CNTNAP5: variants seen among roughly 807,000 people sequenced by gnomAD.
CNTNAP5 encodes the protein contactin associated protein family member 5, also known as contactin-associated protein-like 5.
Under a neutral mutation model 150.2 loss-of-function variants are expected in CNTNAP5, and 72 were observed. The ratio of observed to expected loss-of-function variants is 0.48; its 90% confidence interval spans 0.40 to 0.58. The LOEUF is 0.58. CNTNAP5 is among the 20% of genes least tolerant of loss of function. CNTNAP5 has a pLI of 0.00. For synonymous variants in CNTNAP5, 672 were observed against 619.8 expected (o/e 1.08, Z -1.25); for missense variants, 1,636 against 1,626.2 (o/e 1.01, Z -0.10).
chr2:124,526,384 A>G (rs1694968564), intron 9 of CNTNAP5, among the ~76,000 whole-genome samples: 1 of 152,190 alleles, frequency 6.6e-6, no homozygotes, highest in African/African-American at 2.4e-5. Context: ...GCTGTTAACC[A>G]GCTGCTGGGC....
chr2:124,433,710 A>C lies in CNTNAP5; in HGVS notation c.530-774A>C, dbSNP rs557016781. Reference sequence around the variant, plus strand: ...TGTAATTAAAAAAATAGAAAAAAAAACCCGCAAAAATAACCTAGAACAACA... The same window carrying C: ...TGTAATTAAAAAAATAGAAAAAAAACCCCGCAAAAATAACCTAGAACAACA... On this transcript the variant is annotated intron_variant, in intron 4 of 23. Coordinates refer to ENST00000682447, the MANE Select transcript of CNTNAP5 (RefSeq NM_001367498.1). 4.2e-4 allele frequency among the ~76,000 whole-genome samples: 64 copies of C among 152,200 alleles called. No individual in the cohort carries two copies. The South Asian group carries it at 8.7e-3, about 21-fold the overall frequency.
intron 23 of CNTNAP5, among the ~76,000 whole-genome samples, chr2:124,913,570 C>T (rs569398368): frequency 2.6e-5 from 4 of 152,050 alleles, no homozygotes; most frequent in East Asian, 3.9e-4. Flanking sequence ...AAATTTATAG[C>T]GATCATTTCA....
At chr2:124,268,650 C>T (rs1487739582) in intron 3 of CNTNAP5, among the ~76,000 whole-genome samples, 2 of 152,218 alleles carry the variant, frequency 1.3e-5, no homozygotes, top group South Asian at 2.1e-4. Flanking sequence ...CAGAGCAATA[C>T]ATGATACACA....
chr2:124,462,845 A>T (rs1340968653), intron 6 of CNTNAP5, among the ~76,000 whole-genome samples: 2 of 152,328 alleles, frequency 1.3e-5, no homozygotes, highest in African/African-American at 2.4e-5. Flanking sequence ...ACAGATAGAC[A>T]TCCATTCACG....
chr2:124,133,575 C>G (rs1683910743), intron 1 of CNTNAP5, among the ~76,000 whole-genome samples: 1 of 152,192 alleles, frequency 6.6e-6, no homozygotes. Context: ...CATGTCTCCT[C>G]TCCTGTGAAG....
intron 4 of CNTNAP5, among the ~76,000 whole-genome samples, chr2:124,434,211 CT>C (rs1317088119): frequency 2.6e-5 from 4 of 152,164 alleles, no homozygotes; most frequent in Non-Finnish European, 5.9e-5. Context: ...ACCCTGTCCC[CT>C]CCAGCAAAAG....
chr2:124,528,948 C>T (rs562165534), intron 10 of CNTNAP5, among the ~76,000 whole-genome samples: 2 of 152,220 alleles, frequency 1.3e-5, no homozygotes, highest in East Asian at 1.9e-4. Flanking sequence ...TCTCTGCTAA[C>T]GCTAGAATGA....
Position 124,725,595 on chromosome 2 carries a change from TTTTGGCACA to T in CNTNAP5, c.2078-21630_2078-21622del, listed in dbSNP as rs140359649. On this transcript the variant is annotated intron_variant, in intron 13 of 23. Transcript: ENST00000682447. ...TGGTGAGAACACTTAAGATTTACTC[TTTTGGCACA>T]TTTAAAGTATGCAGTACAGTAGTAT... Among the ~76,000 whole-genome samples the T allele has an allele frequency of 2.9e-3, 448 of 152,070 alleles. 3 individuals are homozygous for T. Among genetic ancestry groups the T allele is most frequent in the African/African-American group, 0.01 (423 of 41,488 alleles).
chr2:124,031,794 G>A (rs74626927), intron 1 of CNTNAP5, among the ~76,000 whole-genome samples: 10,519 of 152,190 alleles, frequency 0.069, 495 homozygotes, highest in Non-Finnish European at 0.1. Context: ...GTATAAAAAG[G>A]AGAAGTTTGG....
chr2:124,084,630 CTA>C (rs1682635823), intron 1 of CNTNAP5, among the ~76,000 whole-genome samples: 1 of 151,450 alleles, frequency 6.6e-6, no homozygotes, highest in Non-Finnish European at 1.5e-5. Flanking sequence ...TAGTATGTGT[CTA>C]TATATGTGTG....
At chr2:124,291,172 T>G (rs919423944) in intron 3 of CNTNAP5, among the ~76,000 whole-genome samples, 1 of 152,146 alleles carries the variant, frequency 6.6e-6, no homozygotes, top group Non-Finnish European at 1.5e-5. Context: ...ATAGTCATTG[T>G]TGAAAAATTG....
At chr2:124,043,735 A>G (rs914723018) in intron 1 of CNTNAP5, among the ~76,000 whole-genome samples, 23 of 152,094 alleles carry the variant, frequency 1.5e-4, no homozygotes, top group African/African-American at 5.3e-4. Flanking sequence ...GAAGTTTACA[A>G]CAACATAAAC....
intron 1 of CNTNAP5, among the ~76,000 whole-genome samples, chr2:124,115,164 G>T (rs1683394216): frequency 6.6e-6 from 1 of 151,630 alleles, no homozygotes; most frequent in African/African-American, 2.4e-5. Context: ...ATTTTTTAAG[G>T]ATGACATATA....
intron 19 of CNTNAP5, among the ~76,000 whole-genome samples, chr2:124,808,579 C>A (rs540117787): frequency 1.4e-4 from 21 of 145,298 alleles, no homozygotes; most frequent in Non-Finnish European, 2.5e-4. Flanking sequence ...CAGAGAGAGA[C>A]TTGGTCCAAA....
chr2:124,644,278 A>T (rs1397083503), intron 12 of CNTNAP5, among the ~76,000 whole-genome samples: 2 of 152,210 alleles, frequency 1.3e-5, no homozygotes, highest in Admixed American at 1.3e-4. Context: ...ACCACAGCTG[A>T]CTTTCTTTCA....
chr2:124,056,760 T>C (rs1681857513), intron 1 of CNTNAP5, among the ~76,000 whole-genome samples: 1 of 152,220 alleles, frequency 6.6e-6, no homozygotes, highest in Admixed American at 6.5e-5. Context: ...TGGAGGTCAC[T>C]GGACACATCG....
intron 1 of CNTNAP5, among the ~76,000 whole-genome samples, chr2:124,064,297 A>T (rs1328815302): frequency 6.6e-6 from 1 of 152,120 alleles, no homozygotes; most frequent in African/African-American, 2.4e-5. Context: ...GCACTATCTG[A>T]TGGAGGTCAC....
chr2:124,658,828 A>G (rs1271375796), intron 13 of CNTNAP5, among the ~76,000 whole-genome samples: 2 of 152,200 alleles, frequency 1.3e-5, no homozygotes, highest in Non-Finnish European at 2.9e-5. Flanking sequence ...TACACAGATG[A>G]GGTTAATGGG....
chr2:124,238,208 T>G (rs1686800910), intron 2 of CNTNAP5, among the ~76,000 whole-genome samples: 1 of 152,122 alleles, frequency 6.6e-6, no homozygotes, highest in African/African-American at 2.4e-5. Flanking sequence ...AGGGAAGACC[T>G]GGGTGCTGGA....
Sources: allele counts gnomAD v4.1 joint callset (sites outside exome capture counted in the v4.1 genomes callset), GRCh38; gene constraint gnomAD v4.1.1; transcripts MANE v1.5; gene names NCBI Gene and HGNC (gene_info 2026-07-23, HGNC 2026-07-21).